The following PJVK variants were observed in gnomAD, a reference collection of about 807,000 sequenced individuals.
PJVK encodes pejvakin.
In PJVK, 33 loss-of-function variants were observed where a neutral mutation model predicts 37.6. That is an observed-to-expected ratio of 0.88 (90% CI 0.67 to 1.17). The LOEUF is 1.17. PJVK is among the 50% of genes most tolerant of loss of function. The pLI is 0.00. For missense variants in PJVK, 410 were observed against 413.8 expected (o/e 0.99, Z 0.08); for synonymous variants, 141 against 143.5 (o/e 0.98, Z 0.13).
intron 6 of PJVK, 22 bp from the exon 7 acceptor site, chr2:178,460,955 ATTTCT>A (rs1449446774): frequency 1.1e-5 from 18 of 1,608,366 alleles, no homozygotes; most frequent in African/African-American, 1.1e-4. Context: ...CTTCTAACAC[ATTTCT>A]TTTCTGTTTT....
chr2:178,461,759 A>G lies in PJVK; in HGVS notation c.*485A>G, dbSNP rs1684521385. Among the ~76,000 whole-genome samples the G allele has an allele frequency of 6.6e-6, 1 of 151,652 alleles. No individual in the cohort carries two copies. The highest frequency in any genetic ancestry group is 6.6e-5 in the Admixed American group (1 of 15,212). On this transcript the variant is annotated 3_prime_UTR_variant, in exon 7 of 7. Coordinates refer to ENST00000644580, the MANE Select transcript of PJVK (RefSeq NM_001042702.5). ...CCACCACGCCTGGCTAATTTTTTGTATTTTTAGTAGAGACAGAGTTTTACC... is the reference window on the plus strand; with the variant it reads ...CCACCACGCCTGGCTAATTTTTTGTGTTTTTAGTAGAGACAGAGTTTTACC...
In PJVK at chr2:178,460,063, G is replaced by A. The variant is rs114870779; in HGVS notation, c.668-285G>A. 35 of 370,900 alleles carry A rather than the reference G, an allele frequency of 9.4e-5. No individual in the cohort carries two copies. In the East Asian group the frequency reaches 1.9e-3, roughly 20 times the overall value. 23.0% of individuals were successfully genotyped at this position (370,900 alleles called of 1,614,324 possible). A position where few individuals can be genotyped will look rare whatever the true frequency, so the allele number is the denominator to read the frequency against. On this transcript the variant is annotated intron_variant, in intron 5 of 6. Coordinates refer to ENST00000644580, the MANE Select transcript of PJVK (RefSeq NM_001042702.5). ...TTTCTTTATGCTTATAAAATATATG[G>A]AGTATTTCTGGAAGCAAACATAAGA...
Position 178,458,644 on chromosome 2 carries a change from C to T in PJVK, c.667+17C>T, listed in dbSNP as rs758847935. 13 of 1,535,932 alleles carry T rather than the reference C, an allele frequency of 8.5e-6. No individual in the cohort carries two copies. The Admixed American group carries it at 2.2e-4, about 26-fold the overall frequency. On this transcript the variant is annotated intron_variant, in intron 5 of 6. Coordinates refer to ENST00000644580, the MANE Select transcript of PJVK (RefSeq NM_001042702.5). ...GTGCCTTTGGTGAGTTAAGGGTCTG[C>T]ATGAAATACAAATGATTATATTTTT...
chr2:178,461,422 A>G lies in PJVK; in HGVS notation c.*148A>G. Reference sequence around the variant, plus strand: ...TGTCTGGGTATCATATTCCCTATCTATAAAGTAGCAATTATAACAGTAGTG... The same window carrying G: ...TGTCTGGGTATCATATTCCCTATCTGTAAAGTAGCAATTATAACAGTAGTG... On this transcript the variant is annotated 3_prime_UTR_variant, in exon 7 of 7. Transcript: ENST00000644580. 1 of 789,966 alleles carries G rather than the reference A, an allele frequency of 1.3e-6. No individual in the cohort carries two copies. The highest frequency in any genetic ancestry group is 2.0e-6 in the Non-Finnish European group (1 of 497,742). 48.9% of individuals were successfully genotyped at this position (789,966 alleles called of 1,614,324 possible). A position where few individuals can be genotyped will look rare whatever the true frequency, so the allele number is the denominator to read the frequency against.
At chr2:178,454,672 AT>A in intron 3 of PJVK, 145 bp downstream of exon 3, 14 of 1,435,520 alleles carry the variant, frequency 9.8e-6, no homozygotes, top group Non-Finnish European at 1.3e-5. Context: ...TTGGTAGTAT[AT>A]CCAAACTTTG....
chr2:178,456,791 C>G (rs943471016), intron 4 of PJVK, among the ~76,000 whole-genome samples: 2 of 151,128 alleles, frequency 1.3e-5, no homozygotes, highest in African/African-American at 4.9e-5. Context: ...AAACAAAAAC[C>G]CCAACCAAAA....
In PJVK at chr2:178,454,383, T is replaced by A; in HGVS notation, c.263T>A (p.Leu88His). 6.2e-7 allele frequency: 1 copy of A among 1,613,938 alleles called. No homozygotes were observed. Among genetic ancestry groups the A allele is most frequent in the African/African-American group, 1.3e-5 (1 of 75,060 alleles). The change falls in exon 3 of 7, where the codon CTC (leucine) becomes CAC (histidine). Residue 88 changes from leucine to histidine, a missense_variant. Coordinates refer to ENST00000644580, the MANE Select transcript of PJVK (RefSeq NM_001042702.5). The stretch of plus-strand genomic sequence containing the variant: ...TATGAAGATGAATCAGATGTTTCAC[T>A]CTATGGAAGGCGAGGTAACCATATT... ...LNYEDESDVSLYGRRGNHIVN... is the reference protein window; with the variant it reads ...LNYEDESDVSHYGRRGNHIVN...
At position 178,451,680 on chromosome 2, in the gene PJVK, G is replaced by T. The variant is rs886055208; in HGVS notation, c.-112G>T. 4.0e-5 allele frequency: 27 copies of T among 681,476 alleles called. No homozygotes were observed. The highest frequency in any genetic ancestry group is 4.9e-5 in the Non-Finnish European group (27 of 552,632). 42.2% of individuals were successfully genotyped at this position (681,476 alleles called of 1,614,324 possible). ...TTCGGGTCCCCGAGCCCTGTGTTTA[G>T]GAACACGCGGGGACGTCCAAACACC... On this transcript the variant is annotated 5_prime_UTR_variant, in exon 1 of 7. In the 5' UTR this introduces an upstream ATG that the reference lacks. Transcript: ENST00000644580.
intron 3 of PJVK, chr2:178,455,062 G>A: frequency 6.9e-7 from 1 of 1,440,430 alleles, no homozygotes; most frequent in South Asian, 1.1e-5. Flanking sequence ...TCCAGGTGGG[G>A]CTCAAGGGGC....
At chr2:178,453,136 T>A in intron 1 of PJVK, 1 of 404,340 alleles carries the variant, frequency 2.5e-6, no homozygotes, top group East Asian at 5.4e-5. Context: ...ACGTTATTAG[T>A]TTTCTGTGTA....
chr2:178,451,818 G>A (rs1203151467), intron 1 of PJVK, 49 bp downstream of exon 1: 7 of 985,446 alleles, frequency 7.1e-6, no homozygotes, highest in Non-Finnish European at 7.2e-6. Flanking sequence ...AGGCCTTTCC[G>A]GGGACCTGGG....
chr2:178,456,034 G>A lies in PJVK; in HGVS notation c.432G>A (p.Leu144=). 1 of 1,614,138 alleles carries A rather than the reference G, an allele frequency of 6.2e-7. No homozygotes were observed. The highest frequency in any genetic ancestry group is 2.2e-5 in the East Asian group (1 of 44,882). Residue 144 remains leucine, a synonymous_variant, in exon 4 of 7, where the codon TTG becomes TTA. Transcript: ENST00000644580. Reference sequence around the variant, plus strand: ...GAAAAATTAACTTTGACCACAGCTTGATACGTCAGTCAAGGAGCAGCAGAA... The same window carrying A: ...GAAAAATTAACTTTGACCACAGCTTAATACGTCAGTCAAGGAGCAGCAGAA... ...TTRKINFDHS[L]IRQSRSSRKA...
At chr2:178,456,343 C>A in intron 4 of PJVK, 192 bp downstream of exon 4, 4 of 690,572 alleles carry the variant, frequency 5.8e-6, no homozygotes, top group Non-Finnish European at 9.6e-6. Context: ...GGATTCTAAA[C>A]ATGTGTAATA....
At position 178,461,219 on chromosome 2, in the gene PJVK, A is replaced by C; in HGVS notation, c.1004A>C (p.Tyr335Ser). The change falls in exon 7 of 7, where the codon TAT becomes TCT. Residue 335 changes from tyrosine (Y) to serine (S), a missense_variant. Tyr to Ser is a moderately radical substitution (Grantham distance 144). Transcript: ENST00000644580. ...CAGTGTTCTGTTGATGGTCAGAAGT[A>C]TGTGAGACTTCATGCAGTTCCTTGT... Reference protein sequence around the residue: ...CFQCSVDGQKYVRLHAVPCFD... With the variant: ...CFQCSVDGQKSVRLHAVPCFD... The C allele has an allele frequency of 6.2e-7, 1 of 1,614,202 alleles. No individual in the cohort carries two copies. Among genetic ancestry groups the C allele is most frequent in the East Asian group, 2.2e-5 (1 of 44,872 alleles).
chr2:178,453,429 A>G lies in PJVK; in HGVS notation c.20A>G (p.Lys7Arg). Residue 7 changes from lysine (K) to arginine (R), a missense_variant, in exon 2 of 7, where the codon AAG (lysine) becomes AGG (arginine). Physicochemically the swap from Lys to Arg is conservative, Grantham distance 26. Coordinates refer to ENST00000644580, the MANE Select transcript of PJVK (RefSeq NM_001042702.5). Reference sequence around the variant, plus strand: ...TTTAATATGTTTGCTGCTGCTACCAAGAGCTTTGTCAAGCAAGTTGGAGAT... The same window carrying G: ...TTTAATATGTTTGCTGCTGCTACCAGGAGCTTTGTCAAGCAAGTTGGAGAT... MFAAATKSFVKQVGDGG... is the reference protein window; with the variant it reads MFAAATRSFVKQVGDGG... The G allele has an allele frequency of 2.5e-6, 4 of 1,614,178 alleles. No homozygotes were observed. Among genetic ancestry groups the G allele is most frequent in the Non-Finnish European group, 3.4e-6 (4 of 1,180,010 alleles).
Position 178,461,390 on chromosome 2 carries a change from A to G in PJVK, c.*116A>G. On this transcript the variant is annotated 3_prime_UTR_variant, in exon 7 of 7. Coordinates refer to ENST00000644580, the MANE Select transcript of PJVK (RefSeq NM_001042702.5). ...ATTAAAATGAGAAAAGCAAAAAGAAATTAACCTGTCTGGGTATCATATTCC... is the reference window on the plus strand; with the variant it reads ...ATTAAAATGAGAAAAGCAAAAAGAAGTTAACCTGTCTGGGTATCATATTCC... 3 of 1,205,536 alleles carry G rather than the reference A, an allele frequency of 2.5e-6. No individual in the cohort carries two copies. The highest frequency in any genetic ancestry group is 3.6e-6 in the Non-Finnish European group (3 of 838,742). The allele number at this position is 1,205,536 out of a possible 1,614,324, so 74.7% of individuals were successfully genotyped here.
rs772792608 is a variant in PJVK, at chr2:178,461,863, A to G, written c.*589A>G. On this transcript the variant is annotated 3_prime_UTR_variant, in exon 7 of 7. Transcript: ENST00000644580. ...CTCCCAAAGTGCTGGGATTACAGGC[A>G]TGGGCCACCGTGCCTGGCCTAGATA... Among the ~76,000 whole-genome samples, 5 of 152,286 alleles carry G rather than the reference A, an allele frequency of 3.3e-5. No individual in the cohort carries two copies. Among genetic ancestry groups the G allele is most frequent in the Non-Finnish European group, 4.4e-5 (3 of 68,010 alleles).
At chr2:178,454,010 A>G (rs965959596) in intron 2 of PJVK, 6 of 321,976 alleles carry the variant, frequency 1.9e-5, no homozygotes, top group Admixed American at 4.9e-5. Flanking sequence ...AATGTATTGA[A>G]GGGTAGGTTA....
chr2:178,456,240 T>C, intron 4 of PJVK, 89 bp downstream of exon 4: 5 of 1,522,086 alleles, frequency 3.3e-6, no homozygotes, highest in Non-Finnish European at 4.5e-6. Flanking sequence ...GGCTTGTGTA[T>C]TTTGTGAAAT....
Sources: gnomAD v4.1 joint callset for allele counts (sites outside exome capture counted in the v4.1 genomes callset) on GRCh38, gnomAD v4.1.1 for gene constraint, MANE v1.5 for transcripts, NCBI Gene and HGNC (gene_info 2026-07-23, HGNC 2026-07-21) for gene names.